Variants in FLT1 observed in about 807,000 individuals in gnomAD.
The protein encoded by FLT1 is fms related receptor tyrosine kinase 1.
Under a neutral mutation model 156.3 loss-of-function variants are expected in FLT1, and 49 were observed. The observed-to-expected ratio is 0.31, with a 90% CI of 0.25 to 0.40. The LOEUF is 0.40. Ranked by LOEUF, FLT1 falls within the 10% of genes least tolerant of loss-of-function variation. FLT1 has a pLI of 1.00. For missense variants in FLT1, 1,322 were observed against 1,637.2 expected (o/e 0.81, Z 3.32); for synonymous variants, 594 against 583.8 (o/e 1.02, Z -0.25).
Position 28,322,384 on chromosome 13 carries a change from G to C in FLT1, c.2954-25C>G, listed in dbSNP as rs889228572. 7.1e-7 allele frequency: 1 copy of C among 1,411,994 alleles called. No homozygotes were observed. Among genetic ancestry groups the C allele is most frequent in the Non-Finnish European group, 1.0e-6 (1 of 995,766 alleles). The allele number at this position is 1,411,994 out of a possible 1,614,324, so 87.5% of individuals were successfully genotyped here. A position where few individuals can be genotyped will look rare whatever the true frequency, so the allele number is the denominator to read the frequency against. On this transcript the variant is annotated intron_variant, in intron 21 of 29. Transcript: ENST00000282397. The surrounding 1 kb of genome is among the most constrained non-coding windows in gnomAD (Gnocchi z 4.3). ...TCTGGAAAGCATTAGAACCGTAACTGTTTGTAATGGCTCTTGTTATCCCAC... is the reference window on the plus strand; with the variant it reads ...TCTGGAAAGCATTAGAACCGTAACTCTTTGTAATGGCTCTTGTTATCCCAC...
At chr13:28,474,722 T>A (rs1158950541) in intron 1 of FLT1, among the ~76,000 whole-genome samples, 1 of 152,070 alleles carries the variant, frequency 6.6e-6, no homozygotes, top group Non-Finnish European at 1.5e-5. Context: ...GTGATGAAAA[T>A]GTTCTAAAAT....
In FLT1 at chr13:28,329,712, G is replaced by A. The variant is rs1189698988; in HGVS notation, c.2610C>T (p.Ser870=). The stretch of plus-strand genomic sequence containing the variant: ...GCTCAGTCATCAGAGCTTTGTACTC[G>A]CTGGCCGTGGCCCCCTCTGTGTGAG... The part of the protein sequence containing the change: ...VKMLKEGATA[S]EYKALMTELK... The change falls in exon 19 of 30, where the codon AGC becomes AGT. Residue 870 remains serine, a synonymous_variant. Transcript: ENST00000282397. 6.2e-7 allele frequency: 1 copy of A among 1,613,872 alleles called. No individual in the cohort carries two copies. The highest frequency in any genetic ancestry group is 8.5e-7 in the Non-Finnish European group (1 of 1,179,814).
intron 18 of FLT1, among the ~76,000 whole-genome samples, chr13:28,333,342 T>C (rs576370806): frequency 6.6e-6 from 1 of 152,320 alleles, no homozygotes; most frequent in Admixed American, 6.5e-5. Context: ...ATGAAGTATT[T>C]TCTACACTGT....
At chr13:28,374,520 T>C (rs1037041975) in intron 14 of FLT1, among the ~76,000 whole-genome samples, 1 of 152,092 alleles carries the variant, frequency 6.6e-6, no homozygotes, top group African/African-American at 2.4e-5. Flanking sequence ...TCTTTTCTTT[T>C]TTTTTTATTG....
At chr13:28,344,312 C>T (rs963746813) in intron 16 of FLT1, among the ~76,000 whole-genome samples, 1 of 152,178 alleles carries the variant, frequency 6.6e-6, no homozygotes, top group Non-Finnish European at 1.5e-5. Flanking sequence ...TGTTCCCCCT[C>T]CCCTGCCCAG....
At chr13:28,466,332 AT>A (rs1879845268) in intron 3 of FLT1, among the ~76,000 whole-genome samples, 1 of 152,176 alleles carries the variant, frequency 6.6e-6, no homozygotes, top group Non-Finnish European at 1.5e-5. Flanking sequence ...ATCAAACATG[AT>A]TCATTTTTGC....
intron 3 of FLT1, among the ~76,000 whole-genome samples, chr13:28,458,655 A>G (rs978217619): frequency 6.6e-6 from 1 of 152,256 alleles, no homozygotes; most frequent in African/African-American, 2.4e-5. Flanking sequence ...AGGGTCTTCT[A>G]TAGTCAAGCT....
chr13:28,320,585 T>C (rs1347507565), intron 23 of FLT1, among the ~76,000 whole-genome samples: 1 of 151,482 alleles, frequency 6.6e-6, no homozygotes, highest in Non-Finnish European at 1.5e-5. Context: ...TTAGTGTTAG[T>C]GTATTTTATG....
At chr13:28,390,430 A>G (rs551299862) in intron 12 of FLT1, among the ~76,000 whole-genome samples, 1 of 151,842 alleles carries the variant, frequency 6.6e-6, no homozygotes, top group African/African-American at 2.4e-5. Flanking sequence ...GGGTCTTGCT[A>G]TGTTGCCCAG....
intron 14 of FLT1, chr13:28,368,702 G>GTT: frequency 3.0e-6 from 2 of 660,240 alleles, no homozygotes; most frequent in Non-Finnish European, 5.2e-6. Flanking sequence ...TAGATTGGCA[G>GTT]CTTTTTTTTT....
chr13:28,467,037 C>T lies in FLT1; in HGVS notation c.254G>A (p.Gly85Asp). Residue 85 changes from glycine (G) to aspartate (D), a missense_variant, in exon 3 of 30, where the codon GGC becomes GAC. Gly to Asp is a moderately conservative substitution (Grantham distance 94). Coordinates refer to ENST00000282397, the MANE Select transcript of FLT1 (RefSeq NM_002019.4). Reference protein sequence around the residue: ...SITKSACGRNGKQFCSTLTLN... With the variant: ...SITKSACGRNDKQFCSTLTLN... ...GGTTAAAGTACTGCAGAATTGTTTG[C>T]CATTTCTTCCACAGGCAGATTTAGT... is the stretch of plus-strand genomic sequence containing the variant. The T allele has an allele frequency of 6.2e-7, 1 of 1,614,108 alleles. No individual in the cohort carries two copies. The highest frequency in any genetic ancestry group is 1.1e-5 in the South Asian group (1 of 91,080).
chr13:28,419,930 T>C (rs1876905134), intron 10 of FLT1, among the ~76,000 whole-genome samples: 1 of 152,224 alleles, frequency 6.6e-6, no homozygotes, highest in African/African-American at 2.4e-5. Flanking sequence ...CTCAGCCTTT[T>C]AGTTTAATTT....
intron 11 of FLT1, among the ~76,000 whole-genome samples, chr13:28,397,662 C>T (rs1166149437): frequency 1.3e-5 from 2 of 151,784 alleles, no homozygotes; most frequent in East Asian, 1.9e-4. Flanking sequence ...GCTGGGACAA[C>T]AGGCACATGC....
At chr13:28,492,500 A>AG (rs1217053622) in intron 1 of FLT1, among the ~76,000 whole-genome samples, 1 of 152,176 alleles carries the variant, frequency 6.6e-6, no homozygotes, top group Non-Finnish European at 1.5e-5. Context: ...AGCGCTTTAG[A>AG]GGGGAAAGGC....
chr13:28,330,537 T>C (rs1871882870), intron 18 of FLT1, among the ~76,000 whole-genome samples: 1 of 150,470 alleles, frequency 6.6e-6, no homozygotes, highest in Non-Finnish European at 1.5e-5. Context: ...TGGTTAATAG[T>C]TTGGTGTTCA....
In FLT1 at chr13:28,322,933, T is replaced by A; in HGVS notation, c.2810A>T (p.His937Leu). Reference sequence around the variant, plus strand: ...CATTTTTTCTTTCTTAGGCTCCATGTGTAGTGCTGCATCCTTTGAAGAGAC... The same window carrying A: ...CATTTTTTCTTTCTTAGGCTCCATGAGTAGTGCTGCATCCTTTGAAGAGAC... ...LFFLNKDAAL[H>L]MEPKKEKMEP... Residue 937 changes from histidine to leucine, a missense_variant, in exon 21 of 30, where the codon CAC becomes CTC. His to Leu is a moderately conservative substitution (Grantham distance 99). Coordinates refer to ENST00000282397, the MANE Select transcript of FLT1 (RefSeq NM_002019.4). This position sits in a 1 kb window ranked among gnomAD's most constrained non-coding sequence, Gnocchi z 4.3. The A allele has an allele frequency of 1.2e-6, 2 of 1,614,138 alleles. No homozygotes were observed. Among genetic ancestry groups the A allele is most frequent in the Non-Finnish European group, 1.7e-6 (2 of 1,180,036 alleles).
At chr13:28,474,023 A>T (rs1718214137) in intron 1 of FLT1, among the ~76,000 whole-genome samples, 1 of 152,186 alleles carries the variant, frequency 6.6e-6, no homozygotes, top group African/African-American at 2.4e-5. Flanking sequence ...GTAAGCACAC[A>T]AGGAGAAAGC....
At chr13:28,365,392 G>A (rs1029167136) in intron 14 of FLT1, among the ~76,000 whole-genome samples, 6 of 150,702 alleles carry the variant, frequency 4.0e-5, no homozygotes, top group Non-Finnish European at 8.8e-5. Context: ...TTGCTCTGTC[G>A]CCCAGGCTAG....
intron 16 of FLT1, among the ~76,000 whole-genome samples, chr13:28,341,060 T>C (rs1431296323): frequency 6.6e-6 from 1 of 152,082 alleles, no homozygotes; most frequent in Admixed American, 6.6e-5. Flanking sequence ...TCACAGAGCA[T>C]AGGATAGCTG....
Sources: gnomAD v4.1 joint callset for allele counts (sites outside exome capture counted in the v4.1 genomes callset) on GRCh38, gnomAD v4.1.1 for gene constraint, Gnocchi (gnomAD v3.1) non-coding constraint, MANE v1.5 for transcripts, NCBI Gene and HGNC (gene_info 2026-07-23, HGNC 2026-07-21) for gene names.